The following FAM162B variants were observed in gnomAD, a reference collection of about 807,000 sequenced individuals.
The protein encoded by FAM162B is protein FAM162B.
FAM162B carries 16 observed loss-of-function variants against 20.0 expected under a neutral mutation model. The observed-to-expected ratio is 0.80, with a 90% confidence interval of 0.54 to 1.21. The LOEUF is 1.21. FAM162B is among the 50% of genes most tolerant of loss of function. FAM162B has a pLI of 0.00. For synonymous variants in FAM162B, 83 were observed against 89.7 expected, an observed-to-expected ratio of 0.93 and a Z score of 0.42; for missense variants, 260 against 227.5, an observed-to-expected ratio of 1.14 and a Z score of -0.92.
Position 116,761,968 on chromosome 6 carries a change from G to A in FAM162B, c.390+9C>T, listed in dbSNP as rs1343768778. 6.3e-7 allele frequency: 1 copy of A among 1,576,042 alleles called. No individual in the cohort carries two copies. The highest frequency in any genetic ancestry group is 1.1e-5 in the South Asian group (1 of 87,258). On this transcript the variant is annotated intron_variant, in intron 3 of 3. Coordinates refer to ENST00000368557, the MANE Select transcript of FAM162B (RefSeq NM_001085480.3). ...TTTAACTGACTTGCCCTTTTAAGGA[G>A]ATACTCACCCTTTTGGCTGACACTA...
chr6:116,752,555 G>T lies in FAM162B; in HGVS notation c.*42C>A. On this transcript the variant is annotated 3_prime_UTR_variant, in exon 4 of 4. Coordinates refer to ENST00000368557, the MANE Select transcript of FAM162B (RefSeq NM_001085480.3). ...TTTCCCATCTTCTACTGTTGCTGAT[G>T]ACAGGGATGGTATTCAGGTGAACAC... 1 of 1,089,918 alleles carries T rather than the reference G, an allele frequency of 9.2e-7. No homozygotes were observed. The highest frequency in any genetic ancestry group is 1.3e-6 in the Non-Finnish European group (1 of 761,828). The allele number at this position is 1,089,918 out of a possible 1,614,324, so 67.5% of individuals were successfully genotyped here.
chr6:116,759,449 C>T lies in FAM162B; in HGVS notation c.390+2528G>A, dbSNP rs1215726921. ...CCGAGTAGCTGGGACTGCAGGCGCC[C>T]GCCACCACGCCTGGCTAATTTTTTT... On this transcript the variant is annotated intron_variant, in intron 3 of 3. Coordinates refer to ENST00000368557, the MANE Select transcript of FAM162B (RefSeq NM_001085480.3). Among the ~76,000 whole-genome samples the T allele has an allele frequency of 5.9e-5, 9 of 151,486 alleles. 1 individual carries two copies. Among genetic ancestry groups the T allele is most frequent in the Non-Finnish European group, 1.0e-4 (7 of 67,816 alleles).
At chr6:116,761,950 G>A in intron 3 of FAM162B, 27 bp downstream of exon 3, 1 of 1,535,908 alleles carries the variant, frequency 6.5e-7, no homozygotes, top group Non-Finnish European at 8.9e-7. Flanking sequence ...CCTTTTAACT[G>A]ACTTGCCCTT....
intron 2 of FAM162B, among the ~76,000 whole-genome samples, chr6:116,762,820 A>G (rs1771819104): frequency 6.6e-6 from 1 of 152,170 alleles, no homozygotes; most frequent in African/African-American, 2.4e-5. Context: ...TAGTAATACA[A>G]AAGGCATCAT....
At chr6:116,755,278 A>C (rs1046581036) in intron 3 of FAM162B, among the ~76,000 whole-genome samples, 1 of 152,250 alleles carries the variant, frequency 6.6e-6, no homozygotes, top group Non-Finnish European at 1.5e-5. Context: ...AAAGTGAAAC[A>C]GCCTTATTAC....
At chr6:116,759,583 A>AG (rs1386419907) in intron 3 of FAM162B, among the ~76,000 whole-genome samples, 1 of 152,104 alleles carries the variant, frequency 6.6e-6, no homozygotes, top group Non-Finnish European at 1.5e-5. Flanking sequence ...CTGGGATTAC[A>AG]GGCGTGAGCC....
intron 2 of FAM162B, 85 bp from the exon 3 acceptor site, chr6:116,762,170 T>G: frequency 9.0e-7 from 1 of 1,108,874 alleles, no homozygotes; most frequent in Non-Finnish European, 1.2e-6. Flanking sequence ...CATGTAAACA[T>G]TCCAAAAAAT....
At chr6:116,764,160 T>C (rs1771858756) in intron 2 of FAM162B, among the ~76,000 whole-genome samples, 1 of 152,164 alleles carries the variant, frequency 6.6e-6, no homozygotes. Context: ...CAATTGTTTA[T>C]AAACAATAAC....
intron 3 of FAM162B, among the ~76,000 whole-genome samples, chr6:116,761,477 G>A (rs1243170314): frequency 2.0e-5 from 3 of 151,698 alleles, no homozygotes; most frequent in South Asian, 2.1e-4. Flanking sequence ...AAAGTTCTCC[G>A]TCTTCTGCAG....
At chr6:116,754,900 T>C (rs924912252) in intron 3 of FAM162B, among the ~76,000 whole-genome samples, 5 of 152,192 alleles carry the variant, frequency 3.3e-5, no homozygotes, top group African/African-American at 4.8e-5. Context: ...ATTGTACTTA[T>C]TTTAGGGTGC....
intron 2 of FAM162B, among the ~76,000 whole-genome samples, chr6:116,764,434 GA>G (rs1771862781): frequency 6.6e-6 from 1 of 152,126 alleles, no homozygotes; most frequent in African/African-American, 2.4e-5. Flanking sequence ...ACTTTGGAAA[GA>G]TTTTTTTACA....
At chr6:116,755,771 A>G (rs1466193270) in intron 3 of FAM162B, among the ~76,000 whole-genome samples, 1 of 152,142 alleles carries the variant, frequency 6.6e-6, no homozygotes, top group Admixed American at 6.5e-5. Flanking sequence ...AGCATTCTGA[A>G]AATCCTAGGG....
At chr6:116,759,417 T>TA (rs1780107643) in intron 3 of FAM162B, among the ~76,000 whole-genome samples, 1 of 150,658 alleles carries the variant, frequency 6.6e-6, no homozygotes, top group Non-Finnish European at 1.5e-5. Flanking sequence ...TTCTCCTGCG[T>TA]AGCCTCCCGA....
chr6:116,762,310 A>G (rs943248417), intron 2 of FAM162B, among the ~76,000 whole-genome samples: 2 of 152,200 alleles, frequency 1.3e-5, no homozygotes, highest in African/African-American at 4.8e-5. Context: ...CCATTATGAA[A>G]CCACTGTATA....
At chr6:116,762,710 A>C (rs682747) in intron 2 of FAM162B, among the ~76,000 whole-genome samples, 83,473 of 151,830 alleles carry the variant, frequency 0.55, 23,790 homozygotes, top group African/African-American at 0.69. Context: ...CCTTCATTTT[A>C]ATGTTATTAT....
intron 3 of FAM162B, 80 bp downstream of exon 3, chr6:116,761,897 G>A: frequency 9.8e-7 from 1 of 1,021,220 alleles, no homozygotes; most frequent in Non-Finnish European, 1.4e-6. Flanking sequence ...CACCCTTTTG[G>A]TGAGATACTC....
chr6:116,752,577 A>T lies in FAM162B; in HGVS notation c.*20T>A. The stretch of plus-strand genomic sequence containing the variant: ...GATGACAGGGATGGTATTCAGGTGA[A>T]CACTTTGTCACTTAGAATATCATTT... On this transcript the variant is annotated 3_prime_UTR_variant, in exon 4 of 4. Coordinates refer to ENST00000368557, the MANE Select transcript of FAM162B (RefSeq NM_001085480.3). 6.9e-7 allele frequency: 1 copy of T among 1,458,254 alleles called. No individual in the cohort carries two copies. The highest frequency in any genetic ancestry group is 1.3e-5 in the South Asian group (1 of 76,536). The allele number at this position is 1,458,254 out of a possible 1,614,324, so 90.3% of individuals were successfully genotyped here.
At chr6:116,755,821 G>A (rs764948214) in intron 3 of FAM162B, among the ~76,000 whole-genome samples, 9 of 152,060 alleles carry the variant, frequency 5.9e-5, no homozygotes, top group South Asian at 2.1e-4. Context: ...CCTGTGCCAC[G>A]AATGGAATAA....
intron 3 of FAM162B, among the ~76,000 whole-genome samples, chr6:116,755,933 A>G (rs1348550242): frequency 6.6e-6 from 1 of 152,194 alleles, no homozygotes; most frequent in African/African-American, 2.4e-5. Flanking sequence ...CTTTCAAAAT[A>G]TTACTTCTCA....
Sources: allele counts gnomAD v4.1 joint callset (sites outside exome capture counted in the v4.1 genomes callset), GRCh38; gene constraint gnomAD v4.1.1; transcripts MANE v1.5; gene names NCBI Gene and HGNC (gene_info 2026-07-23, HGNC 2026-07-21).